Variants in UNC5D observed in about 807,000 individuals in gnomAD.
The protein encoded by UNC5D is netrin receptor UNC5D.
Under a neutral mutation model 105.4 loss-of-function variants are expected in UNC5D, and 39 were observed. The ratio of observed to expected loss-of-function variants is 0.37; its 90% confidence interval spans 0.29 to 0.48. The LOEUF (loss-of-function observed/expected upper bound fraction) is 0.48. Ranked by LOEUF, UNC5D falls within the 20% of genes least tolerant of loss-of-function variation. The pLI, the probability that UNC5D is intolerant of heterozygous loss-of-function variation, is 0.98. For synonymous variants in UNC5D, 452 were observed against 450.4 expected (o/e 1.00, Z -0.04); for missense variants, 991 against 1,202.4 (o/e 0.82, Z 2.60).
At chr8:35,285,334 A>T (rs906062440) in intron 1 of UNC5D, among the ~76,000 whole-genome samples, 3 of 152,226 alleles carry the variant, frequency 2.0e-5, no homozygotes, top group African/African-American at 7.2e-5. Context: ...GAATTATGCC[A>T]TTCATGCTAG....
At chr8:35,782,206 T>C (rs1016336743) in intron 16 of UNC5D, among the ~76,000 whole-genome samples, 1 of 152,204 alleles carries the variant, frequency 6.6e-6, no homozygotes, top group Non-Finnish European at 1.5e-5. Flanking sequence ...GAAAGCTTGA[T>C]GAATGGGTCA....
intron 1 of UNC5D, among the ~76,000 whole-genome samples, chr8:35,431,144 A>G (rs559001253): frequency 8.5e-5 from 13 of 152,334 alleles, no homozygotes; most frequent in African/African-American, 3.1e-4. Flanking sequence ...CTTTATTGAC[A>G]TCTGCTTCAG....
At chr8:35,519,437 C>G (rs2130435734) in intron 1 of UNC5D, among the ~76,000 whole-genome samples, 1 of 152,176 alleles carries the variant, frequency 6.6e-6, no homozygotes, top group South Asian at 2.1e-4. Flanking sequence ...TACCGAGTAG[C>G]TGGTTTATAT....
chr8:35,436,192 G>A (rs550736512), intron 1 of UNC5D, among the ~76,000 whole-genome samples: 1 of 151,860 alleles, frequency 6.6e-6, no homozygotes, highest in South Asian at 2.1e-4. Context: ...TGTAAATTTT[G>A]CATTTCTTCA....
Position 35,759,412 on chromosome 8 carries a change from T to A in UNC5D, c.2256T>A (p.Ile752=). 6.2e-7 allele frequency: 1 copy of A among 1,614,128 alleles called. No homozygotes were observed. Among genetic ancestry groups the A allele is most frequent in the Non-Finnish European group, 8.5e-7 (1 of 1,179,986 alleles). The change falls in exon 14 of 17, where the codon ATT becomes ATA. Residue 752 remains isoleucine, a synonymous_variant. Coordinates refer to ENST00000404895, the MANE Select transcript of UNC5D (RefSeq NM_080872.4). ...HFKGNTFSLQ[I]SVLDIPPFLW... is the part of the protein sequence containing the mutation. ...AAGGGAATACCTTTAGTCTTCAGAT[T>A]TCTGTCCTTGATATTCCCCCATTCC... is the stretch of plus-strand genomic sequence containing the variant.
At chr8:35,570,801 A>G in intron 3 of UNC5D, among the ~76,000 whole-genome samples, 1 of 151,326 alleles carries the variant, frequency 6.6e-6, no homozygotes. Flanking sequence ...TGAAAAAAAA[A>G]GAAAAAATTA....
intron 4 of UNC5D, among the ~76,000 whole-genome samples, chr8:35,662,675 C>T (rs1333718717): frequency 9.2e-5 from 14 of 152,184 alleles, no homozygotes; most frequent in Admixed American, 8.5e-4. Flanking sequence ...ATGAATAGCT[C>T]ACAGCTCTAA....
chr8:35,714,950 G>A (rs565190333), intron 8 of UNC5D, among the ~76,000 whole-genome samples: 44 of 152,308 alleles, frequency 2.9e-4, no homozygotes, highest in African/African-American at 9.9e-4. Context: ...TCGGGAGTTT[G>A]AGACCAGCCT....
intron 1 of UNC5D, among the ~76,000 whole-genome samples, chr8:35,477,548 G>A (rs1810192711): frequency 6.6e-6 from 1 of 151,892 alleles, no homozygotes; most frequent in African/African-American, 2.4e-5. Flanking sequence ...GAATTAGTAT[G>A]TGGAGAAAAT....
At chr8:35,507,301 C>T (rs886241300) in intron 1 of UNC5D, among the ~76,000 whole-genome samples, 36 of 152,072 alleles carry the variant, frequency 2.4e-4, no homozygotes, top group African/African-American at 7.2e-4. Flanking sequence ...GTGATCCGCC[C>T]GCCTCGGCCT....
Position 35,253,755 on chromosome 8 carries a change from C to T in UNC5D, c.103+17868C>T, listed in dbSNP as rs576333839. On this transcript the variant is annotated intron_variant, in intron 1 of 16. Coordinates refer to ENST00000404895, the MANE Select transcript of UNC5D (RefSeq NM_080872.4). Reference sequence around the variant, plus strand: ...CCGCCCGCCTCGGCCTCCCAAAATGCTGGGATTATAGGTGTGAGCCACCAC... The same window carrying T: ...CCGCCCGCCTCGGCCTCCCAAAATGTTGGGATTATAGGTGTGAGCCACCAC... 9.5e-4 allele frequency among the ~76,000 whole-genome samples: 144 copies of T among 152,118 alleles called. 2 individuals carry two copies. Among genetic ancestry groups the T allele is most frequent in the Admixed American group, 9.3e-3 (142 of 15,280 alleles).
At chr8:35,558,102 G>T (rs1005118153) in intron 2 of UNC5D, among the ~76,000 whole-genome samples, 25 of 148,028 alleles carry the variant, frequency 1.7e-4, no homozygotes, top group Non-Finnish European at 3.1e-4. Context: ...CTCCAGCCTG[G>T]GCGACAAGAG....
At chr8:35,743,199 C>T (rs1829846256) in intron 11 of UNC5D, among the ~76,000 whole-genome samples, 1 of 152,160 alleles carries the variant, frequency 6.6e-6, no homozygotes, top group Admixed American at 6.5e-5. Flanking sequence ...AGTCTACCTG[C>T]TGATTTCTTT....
intron 1 of UNC5D, among the ~76,000 whole-genome samples, chr8:35,536,632 G>T (rs1283062273): frequency 6.6e-6 from 1 of 152,126 alleles, no homozygotes; most frequent in African/African-American, 2.4e-5. Context: ...CTCATCTCTT[G>T]ATTGCTGTAA....
At chr8:35,499,809 T>G (rs1811853767) in intron 1 of UNC5D, among the ~76,000 whole-genome samples, 1 of 152,226 alleles carries the variant, frequency 6.6e-6, no homozygotes, top group Non-Finnish European at 1.5e-5. Flanking sequence ...TCTCAGCTAT[T>G]GCTCATTAGT....
intron 1 of UNC5D, among the ~76,000 whole-genome samples, chr8:35,437,975 C>T (rs1807137323): frequency 6.6e-6 from 1 of 151,666 alleles, no homozygotes; most frequent in African/African-American, 2.4e-5. Flanking sequence ...TTATATCTGG[C>T]TCAGTTTTAA....
At chr8:35,545,701 G>A (rs1398821926) in intron 1 of UNC5D, among the ~76,000 whole-genome samples, 2 of 151,722 alleles carry the variant, frequency 1.3e-5, no homozygotes, top group Non-Finnish European at 2.9e-5. Context: ...TTAGACGGAT[G>A]CAAATAAACA....
Position 35,394,783 on chromosome 8 carries a change from A to G in UNC5D, c.104-154509A>G, listed in dbSNP as rs1218006184. Among the ~76,000 whole-genome samples the G allele has an allele frequency of 2.0e-5, 3 of 152,316 alleles. No individual in the cohort carries two copies. The East Asian group carries it at 5.8e-4, about 29-fold the overall frequency. ...AAAAAGGAGAAGAGTTTCTATGTAA[A>G]TATGTAGAAGTATGATTTCTCTTAT... is the stretch of plus-strand genomic sequence containing the variant. On this transcript the variant is annotated intron_variant, in intron 1 of 16. Transcript: ENST00000404895.
At chr8:35,337,216 C>G (rs1487989394) in intron 1 of UNC5D, among the ~76,000 whole-genome samples, 1 of 152,054 alleles carries the variant, frequency 6.6e-6, no homozygotes, top group Non-Finnish European at 1.5e-5. Context: ...GTGTCCCTCC[C>G]CCTCACCTCC....
Sources: gnomAD v4.1 joint callset for allele counts (sites outside exome capture counted in the v4.1 genomes callset) on GRCh38, gnomAD v4.1.1 for gene constraint, MANE v1.5 for transcripts, NCBI Gene and HGNC (gene_info 2026-07-23, HGNC 2026-07-21) for gene names.